RELN: variants seen among roughly 807,000 people sequenced by gnomAD.
RELN encodes reelin.
A neutral mutation model predicts 427.6 loss-of-function variants in RELN; 108 were observed. The observed-to-expected ratio is 0.25, with a 90% confidence interval of 0.22 to 0.30. The LOEUF is 0.30. Ranked by LOEUF, RELN falls within the 10% of genes least tolerant of loss-of-function variation. The probability of loss-of-function intolerance (pLI) is 1.00; values close to 1 mark genes in which losing one functional copy is unlikely to be tolerated. For synonymous variants in RELN, 1,524 were observed against 1,513.4 expected (o/e 1.01, Z -0.16); for missense variants, 3,715 against 4,302.8 (o/e 0.86, Z 3.82).
intron 3 of RELN, among the ~76,000 whole-genome samples, chr7:103,818,601 A>T (rs1792940213): frequency 6.6e-6 from 1 of 152,174 alleles, no homozygotes; most frequent in South Asian, 2.1e-4. Flanking sequence ...CTTAACATAA[A>T]AATAACATAC....
In RELN at chr7:103,610,819, T is replaced by A. The variant is rs1484278211; in HGVS notation, c.2896-12A>T. On this transcript the variant is annotated splice_polypyrimidine_tract_variant and intron_variant, in intron 21 of 64. Coordinates refer to ENST00000428762, the MANE Select transcript of RELN (RefSeq NM_005045.4). ...CTTGGAAGGCATTCCTGAAAGAAAG[T>A]TAGGCACAAATCAAACCCAGCTTCT... The A allele has an allele frequency of 2.7e-6, 4 of 1,493,198 alleles. No homozygotes were observed. In the East Asian group the frequency reaches 9.0e-5, roughly 34 times the overall value. The allele number at this position is 1,493,198 out of a possible 1,614,324, so 92.5% of individuals were successfully genotyped here.
At chr7:103,744,019 C>T (rs199971334) in intron 6 of RELN, among the ~76,000 whole-genome samples, 24,253 of 152,038 alleles carry the variant, frequency 0.16, 2,095 homozygotes, top group Middle Eastern at 0.29. Context: ...GGAAGTAAAG[C>T]ACTCCTCAGC....
chr7:103,631,929 T>A (rs902976414), intron 19 of RELN, among the ~76,000 whole-genome samples: 1 of 152,124 alleles, frequency 6.6e-6, no homozygotes, highest in Non-Finnish European at 1.5e-5. Context: ...ATAAAAACAG[T>A]TAATATTCTC....
At chr7:103,726,822 T>C (rs1021543655) in intron 7 of RELN, among the ~76,000 whole-genome samples, 8 of 152,180 alleles carry the variant, frequency 5.3e-5, no homozygotes, top group African/African-American at 1.7e-4. Flanking sequence ...TAAAATGTAC[T>C]AGCAAATCTA....
At chr7:103,710,881 T>A (rs1789778223) in intron 8 of RELN, among the ~76,000 whole-genome samples, 1 of 152,036 alleles carries the variant, frequency 6.6e-6, no homozygotes, top group Admixed American at 6.6e-5. Flanking sequence ...CCGTCTCAAC[T>A]AAAAATAAAA....
chr7:103,949,382 T>TAAA (rs11374878), intron 1 of RELN, among the ~76,000 whole-genome samples: 1 of 148,880 alleles, frequency 6.7e-6, no homozygotes. Flanking sequence ...ACTTTGAACT[T>TAAA]AAAAAAAAAA....
intron 28 of RELN, among the ~76,000 whole-genome samples, chr7:103,578,219 G>A (rs1314914572): frequency 6.6e-6 from 1 of 152,140 alleles, no homozygotes; most frequent in Non-Finnish European, 1.5e-5. Context: ...ATCCTTGTTT[G>A]CAGTTATAGA....
At chr7:103,636,087 T>G (rs557760602) in intron 18 of RELN, 148 bp downstream of exon 18, 78 of 672,150 alleles carry the variant, frequency 1.2e-4, no homozygotes, top group Non-Finnish European at 1.9e-4. Flanking sequence ...TAGGGCAAAT[T>G]AACTCTCAAT....
chr7:103,523,731 G>A (rs1562870776), intron 46 of RELN, among the ~76,000 whole-genome samples, 200 bp from the exon 47 acceptor site: 2 of 151,964 alleles, frequency 1.3e-5, no homozygotes, highest in African/African-American at 2.4e-5. Flanking sequence ...GGGCTGGAAC[G>A]CAGTGGCACC....
At chr7:103,973,370 T>C (rs965999540) in intron 1 of RELN, among the ~76,000 whole-genome samples, 4 of 152,144 alleles carry the variant, frequency 2.6e-5, no homozygotes, top group Non-Finnish European at 5.9e-5. Context: ...ATTTAAAATA[T>C]AGTAAGATAA....
intron 22 of RELN, among the ~76,000 whole-genome samples, chr7:103,604,817 C>T (rs1317939368): frequency 2.0e-5 from 3 of 148,674 alleles, no homozygotes; most frequent in African/African-American, 7.5e-5. Context: ...ATCTACTAAA[C>T]TGAACCTATC....
chr7:103,759,348 G>C (rs902533390), intron 4 of RELN, among the ~76,000 whole-genome samples: 2 of 152,078 alleles, frequency 1.3e-5, no homozygotes, highest in Admixed American at 1.3e-4. Flanking sequence ...ATATCACAAG[G>C]CTTGATTGAG....
intron 2 of RELN, among the ~76,000 whole-genome samples, chr7:103,914,254 T>TG (rs1795433256): frequency 6.6e-6 from 1 of 152,130 alleles, no homozygotes; most frequent in Admixed American, 6.6e-5. Flanking sequence ...CAAAATGTGC[T>TG]TACAACACAC....
At chr7:103,557,203 A>T in intron 37 of RELN, 44 bp from the exon 38 acceptor site, 2 of 1,470,240 alleles carry the variant, frequency 1.4e-6, no homozygotes, top group Non-Finnish European at 1.9e-6. Flanking sequence ...TGTGATAAAA[A>T]TGGGGAAATG....
chr7:103,533,184 C>A (rs565042130), intron 46 of RELN, among the ~76,000 whole-genome samples: 2 of 152,296 alleles, frequency 1.3e-5, no homozygotes, highest in East Asian at 1.9e-4. Flanking sequence ...GTAGACAAGG[C>A]TGCAGTTGTG....
rs1328169022 is a variant in RELN at position 103,968,582 on chromosome 7, A to G, written c.226+20549T>C. On this transcript the variant is annotated intron_variant, in intron 1 of 64. Coordinates refer to ENST00000428762, the MANE Select transcript of RELN (RefSeq NM_005045.4). The surrounding 1 kb of genome is among the most constrained non-coding windows in gnomAD (Gnocchi z 4.3). Reference sequence around the variant, plus strand: ...TCCTCAATGAGAGATCCAAGAAGACAAAGGATATTACTGCTTCCTTATTCA... The same window carrying G: ...TCCTCAATGAGAGATCCAAGAAGACGAAGGATATTACTGCTTCCTTATTCA... Among the ~76,000 whole-genome samples the G allele has an allele frequency of 6.6e-6, 1 of 152,214 alleles. No individual in the cohort carries two copies. The highest frequency in any genetic ancestry group is 2.4e-5 in the African/African-American group (1 of 41,448).
At position 103,537,788 on chromosome 7, in the gene RELN, C is replaced by T. The variant is rs150909091; in HGVS notation, c.7180+1290G>A. Among the ~76,000 whole-genome samples, 708 of 152,322 alleles carry T rather than the reference C, an allele frequency of 4.6e-3. 4 individuals are homozygous for T. The highest frequency in any genetic ancestry group is 0.014 in the Middle Eastern group (4 of 294). On this transcript the variant is annotated intron_variant, in intron 45 of 64. Transcript: ENST00000428762. ...CAGTTTTAGGAGAACCCCACGTCAG[C>T]TTCTTTGCTTCTGCTTACAGCCTAG...
intron 6 of RELN, among the ~76,000 whole-genome samples, chr7:103,744,107 A>T (rs1030849529): frequency 3.7e-4 from 57 of 152,232 alleles, no homozygotes; most frequent in Middle Eastern, 3.4e-3. Flanking sequence ...GGATTAAGAA[A>T]CTCACTCAAA....
At chr7:103,622,539 G>T (rs1584352945) in intron 20 of RELN, among the ~76,000 whole-genome samples, 1 of 152,174 alleles carries the variant, frequency 6.6e-6, no homozygotes, top group African/African-American at 2.4e-5. Flanking sequence ...TGTAACACTA[G>T]AGTAAAATCC....
Sources: gnomAD v4.1 joint callset for allele counts (sites outside exome capture counted in the v4.1 genomes callset) on GRCh38, gnomAD v4.1.1 for gene constraint, Gnocchi (gnomAD v3.1) non-coding constraint, MANE v1.5 for transcripts, NCBI Gene and HGNC (gene_info 2026-07-23, HGNC 2026-07-21) for gene names.